Variants in SGCZ observed in about 807,000 individuals in gnomAD.
SGCZ encodes sarcoglycan zeta.
Under a neutral mutation model 41.3 loss-of-function variants are expected in SGCZ, and 40 were observed. The observed-to-expected ratio is 0.97, with a 90% CI of 0.75 to 1.26. SGCZ has a LOEUF of 1.26. SGCZ is among the 50% of genes most tolerant of loss of function. SGCZ has a pLI of 0.00. For missense variants in SGCZ, 552 were observed against 369.8 expected (o/e 1.49, Z -4.04); for synonymous variants, 206 against 137.5 (o/e 1.50, Z -3.49).
intron 1 of SGCZ, among the ~76,000 whole-genome samples, chr8:14,606,331 A>T (rs1805747620): frequency 1.3e-5 from 2 of 149,504 alleles, no homozygotes; most frequent in South Asian, 4.2e-4. Flanking sequence ...TTTGGTTCCT[A>T]AACCTCCTCA....
chr8:14,392,326 T>C (rs995537372), intron 2 of SGCZ, among the ~76,000 whole-genome samples: 2 of 152,184 alleles, frequency 1.3e-5, no homozygotes, highest in African/African-American at 4.8e-5. Context: ...AGCTTTTAGA[T>C]GGTATGAAAA....
chr8:14,236,031 G>A (rs1042428298), intron 4 of SGCZ, among the ~76,000 whole-genome samples: 1 of 152,080 alleles, frequency 6.6e-6, no homozygotes, highest in South Asian at 2.1e-4. Flanking sequence ...TTTATATCAA[G>A]GACTGAATGC....
intron 1 of SGCZ, among the ~76,000 whole-genome samples, chr8:14,730,361 A>G (rs1810196992): frequency 6.6e-6 from 1 of 152,196 alleles, no homozygotes; most frequent in South Asian, 2.1e-4. Flanking sequence ...ACTGGGGTGG[A>G]GTGAGGAGAC....
chr8:14,420,199 T>C (rs1165691503), intron 2 of SGCZ, among the ~76,000 whole-genome samples: 1 of 152,040 alleles, frequency 6.6e-6, no homozygotes, highest in South Asian at 2.1e-4. Context: ...AATTTGACTC[T>C]CCCATTTTTT....
intron 1 of SGCZ, among the ~76,000 whole-genome samples, chr8:14,656,665 C>G (rs937304794): frequency 6.0e-5 from 9 of 149,892 alleles, no homozygotes; most frequent in Non-Finnish European, 1.3e-4. Flanking sequence ...TTTCCCTTTT[C>G]TCCCTTCTTT....
chr8:15,223,040 A>G lies in SGCZ; in HGVS notation c.39+14545T>C, dbSNP rs575644679. Among the ~76,000 whole-genome samples, 10 of 152,290 alleles carry G rather than the reference A, an allele frequency of 6.6e-5. No individual in the cohort carries two copies. The South Asian group carries it at 1.9e-3, about 28-fold the overall frequency. ...GACAATTTGGGAAATATTTTTCCAG[A>G]TGGTAAGGAGATGAGAGAATCTTAA... On this transcript the variant is annotated intron_variant, in intron 1 of 7. Coordinates refer to ENST00000382080, the MANE Select transcript of SGCZ (RefSeq NM_139167.4).
chr8:15,086,815 T>C (rs1226869276), intron 1 of SGCZ, among the ~76,000 whole-genome samples: 2 of 152,172 alleles, frequency 1.3e-5, no homozygotes, highest in Non-Finnish European at 2.9e-5. Flanking sequence ...ATTGTCTTTC[T>C]GGAGTAATCT....
At chr8:14,853,614 T>G (rs1803429050) in intron 1 of SGCZ, 1 of 392,262 alleles carries the variant, frequency 2.5e-6, no homozygotes, top group Non-Finnish European at 5.5e-6. Context: ...AGTGGTTTGC[T>G]TTGTCCTTTA....
chr8:14,823,055 T>TAAAAAAAAA lies in SGCZ; in HGVS notation c.40-268138_40-268130dup, dbSNP rs34307530. Reference sequence around the variant, plus strand: ...GGCAATGAAGCCACACCAATCCTCATAAAAAAAAAAAAAAAAAAAAAAGAC... The same window carrying TAAAAAAAAA: ...GGCAATGAAGCCACACCAATCCTCATAAAAAAAAAAAAAAAAAAAAAAAAAAAAAAAGAC... On this transcript the variant is annotated intron_variant, in intron 1 of 7. Coordinates refer to ENST00000382080, the MANE Select transcript of SGCZ (RefSeq NM_139167.4). Among the ~76,000 whole-genome samples the TAAAAAAAAA allele has an allele frequency of 1.2e-4, 9 of 75,480 alleles. 1 individual carries two copies. The highest frequency in any genetic ancestry group is 5.2e-4 in the Admixed American group (3 of 5,776). The allele number at this position is 75,480 out of a possible 152,430, so 49.5% of individuals were successfully genotyped here.
At chr8:15,236,218 G>A (rs1395893884) in intron 1 of SGCZ, among the ~76,000 whole-genome samples, 1 of 151,902 alleles carries the variant, frequency 6.6e-6, no homozygotes, top group Non-Finnish European at 1.5e-5. Flanking sequence ...GGCGATTCTG[G>A]CAGGCGCCAC....
chr8:14,460,978 T>C lies in SGCZ; in HGVS notation c.234+93754A>G, dbSNP rs567033961. Among the ~76,000 whole-genome samples, 3 of 152,282 alleles carry C rather than the reference T, an allele frequency of 2.0e-5. No homozygotes were observed. In the East Asian group the frequency reaches 5.8e-4, roughly 29 times the overall value. ...CTGAACCTAGATTTTGATTATTTAA[T>C]CTGAATATGTTTCCCATAGGAAAAT... On this transcript the variant is annotated intron_variant, in intron 2 of 7. Coordinates refer to ENST00000382080, the MANE Select transcript of SGCZ (RefSeq NM_139167.4).
chr8:14,934,895 C>T (rs1337906691), intron 1 of SGCZ, among the ~76,000 whole-genome samples: 2 of 150,224 alleles, frequency 1.3e-5, no homozygotes. Context: ...AAGTAAAATC[C>T]TAAAATCATT....
At chr8:14,573,132 T>C (rs894828163) in intron 1 of SGCZ, among the ~76,000 whole-genome samples, 2 of 150,412 alleles carry the variant, frequency 1.3e-5, no homozygotes, top group Non-Finnish European at 3.0e-5. Context: ...CAAATAAGCA[T>C]AACATGAAAC....
chr8:15,160,961 G>A (rs919838661), intron 1 of SGCZ, among the ~76,000 whole-genome samples: 1 of 151,840 alleles, frequency 6.6e-6, no homozygotes, highest in African/African-American at 2.4e-5. Flanking sequence ...GCAGTGGTGT[G>A]AGCTCACTCC....
intron 2 of SGCZ, among the ~76,000 whole-genome samples, chr8:14,530,785 C>A (rs1254219252): frequency 1.3e-5 from 2 of 152,040 alleles, no homozygotes; most frequent in Non-Finnish European, 2.9e-5. Flanking sequence ...AAGCTCAAGT[C>A]CGACATGAGC....
At chr8:14,815,019 C>A (rs1801860594) in intron 1 of SGCZ, among the ~76,000 whole-genome samples, 1 of 151,884 alleles carries the variant, frequency 6.6e-6, no homozygotes, top group Non-Finnish European at 1.5e-5. Flanking sequence ...TTCTGATGTG[C>A]CTGATTTGAA....
At chr8:15,065,599 G>C (rs911735525) in intron 1 of SGCZ, among the ~76,000 whole-genome samples, 1 of 151,758 alleles carries the variant, frequency 6.6e-6, no homozygotes, top group Non-Finnish European at 1.5e-5. Context: ...GGTGCACCCA[G>C]CTAACGTTTT....
chr8:14,891,718 G>A (rs1226197235), intron 1 of SGCZ, among the ~76,000 whole-genome samples: 1 of 152,192 alleles, frequency 6.6e-6, no homozygotes, highest in African/African-American at 2.4e-5. Flanking sequence ...GCATGCTACA[G>A]AGAAATCTTT....
chr8:15,105,449 G>A (rs1316560243), intron 1 of SGCZ, among the ~76,000 whole-genome samples: 1 of 152,128 alleles, frequency 6.6e-6, no homozygotes, highest in Non-Finnish European at 1.5e-5. Context: ...TACAATCAAG[G>A]CAGAAGGTGA....
Sources: allele counts gnomAD v4.1 joint callset (sites outside exome capture counted in the v4.1 genomes callset), GRCh38; gene constraint gnomAD v4.1.1; transcripts MANE v1.5; gene names NCBI Gene and HGNC (gene_info 2026-07-23, HGNC 2026-07-21).